Variants in RBFOX2 observed in about 807,000 individuals in gnomAD.
RBFOX2 encodes RNA binding fox-1 homolog 2.
Under a neutral mutation model 49.1 loss-of-function variants are expected in RBFOX2, and 10 were observed. The ratio of observed to expected loss-of-function variants is 0.20; its 90% CI spans 0.13 to 0.35. RBFOX2 has a LOEUF of 0.35. RBFOX2 is among the 10% of genes least tolerant of loss of function. RBFOX2 has a pLI of 1.00. For synonymous variants in RBFOX2, 183 were observed against 187.4 expected (o/e 0.98, Z 0.19); for missense variants, 323 against 486.9 (o/e 0.66, Z 3.17).
chr22:35,843,460 A>G (rs1381220065), upstream of RBFOX2, among the ~76,000 whole-genome samples: 1 of 88,898 alleles, frequency 1.1e-5, no homozygotes. Flanking sequence ...TGTTTCATCC[A>G]ATCTCCAGAA....
intron 9 of RBFOX2, among the ~76,000 whole-genome samples, chr22:35,757,186 G>A (rs1044620710): frequency 6.2e-5 from 9 of 145,132 alleles, no homozygotes; most frequent in Admixed American, 3.4e-4. Context: ...TTCCTGTTTA[G>A]ATAATGAATT....
chr22:36,017,824 A>G (rs1411353420), intron 1 of RBFOX2, among the ~76,000 whole-genome samples: 1 of 152,186 alleles, frequency 6.6e-6, no homozygotes, highest in Admixed American at 6.5e-5. Context: ...ACGTGCACTC[A>G]ATTAATATCT....
At chr22:35,920,880 A>C (rs1199591290) in intron 1 of RBFOX2, among the ~76,000 whole-genome samples, 1 of 152,224 alleles carries the variant, frequency 6.6e-6, no homozygotes. Context: ...ATGCAAACAG[A>C]GTTACGCTGA....
intron 1 of RBFOX2, among the ~76,000 whole-genome samples, chr22:35,890,562 G>A (rs941016395): frequency 2.6e-5 from 4 of 152,120 alleles, no homozygotes; most frequent in Middle Eastern, 3.2e-3. Context: ...GGATAAGGGG[G>A]ACTACTATAC....
chr22:36,019,600 G>A (rs1008451700), intron 1 of RBFOX2, among the ~76,000 whole-genome samples: 8 of 152,202 alleles, frequency 5.3e-5, no homozygotes, highest in Admixed American at 2.0e-4. Flanking sequence ...GGAGCTCAGA[G>A]ATGTTGAATA....
intron 2 of RBFOX2, among the ~76,000 whole-genome samples, chr22:35,784,055 G>C (rs545979817): frequency 2.0e-5 from 3 of 152,328 alleles, no homozygotes; most frequent in Admixed American, 2.0e-4. Flanking sequence ...AGCGGGCAGG[G>C]ACGGGCACTG....
At chr22:35,768,115 G>A in intron 5 of RBFOX2, 142 bp downstream of exon 6, 1 of 828,006 alleles carries the variant, frequency 1.2e-6, no homozygotes, top group South Asian at 1.9e-5. Flanking sequence ...AGTGCAAGAA[G>A]GTGAAGAAGA....
At chr22:35,897,451 T>C in intron 1 of RBFOX2, 1 of 845,952 alleles carries the variant, frequency 1.2e-6, no homozygotes, top group Non-Finnish European at 2.1e-6. Flanking sequence ...ACTTTATCCC[T>C]TGTTGTCCAG....
chr22:35,906,675 C>T (rs2049159644), intron 1 of RBFOX2, among the ~76,000 whole-genome samples: 1 of 151,976 alleles, frequency 6.6e-6, no homozygotes, highest in Admixed American at 6.6e-5. Context: ...ATTAGCCGGG[C>T]GTGGTGGCAC....
intron 1 of RBFOX2, among the ~76,000 whole-genome samples, chr22:35,928,601 A>C (rs1323886830): frequency 6.6e-6 from 1 of 152,258 alleles, no homozygotes; most frequent in East Asian, 1.9e-4. Context: ...CAAACTTAGC[A>C]AATATGGATG....
chr22:35,814,526 T>G (rs150101145), intron 1 of RBFOX2, among the ~76,000 whole-genome samples: 1 of 146,676 alleles, frequency 6.8e-6, no homozygotes, highest in East Asian at 2.1e-4. Flanking sequence ...CTAGGCAACA[T>G]AGTGGGATCC....
At chr22:35,864,691 T>C (rs140820680) in intron 1 of RBFOX2, among the ~76,000 whole-genome samples, 29 of 152,366 alleles carry the variant, frequency 1.9e-4, no homozygotes, top group African/African-American at 5.3e-4. Context: ...ATCAGTTATA[T>C]TGTGCAAAGT....
chr22:35,851,713 A>G (rs907065660), intron 1 of RBFOX2, among the ~76,000 whole-genome samples: 1 of 151,880 alleles, frequency 6.6e-6, no homozygotes, highest in Admixed American at 6.6e-5. Flanking sequence ...CTGTAATCCC[A>G]GCTACTTGGG....
At chr22:35,882,543 G>A (rs2046041899) in intron 1 of RBFOX2, among the ~76,000 whole-genome samples, 3 of 152,182 alleles carry the variant, frequency 2.0e-5, no homozygotes, top group African/African-American at 7.2e-5. Context: ...TGGAAGAACA[G>A]CTTAACTGTA....
intron 1 of RBFOX2, 50 bp from the exon 3 acceptor site, chr22:35,810,054 G>C (rs375069513): frequency 6.4e-7 from 1 of 1,558,108 alleles, no homozygotes; most frequent in South Asian, 1.1e-5. Context: ...TCCTTGTTAC[G>C]TAACTATTTT....
intron 2 of RBFOX2, among the ~76,000 whole-genome samples, chr22:35,788,559 C>T (rs750166897): frequency 1.3e-5 from 2 of 152,076 alleles, no homozygotes; most frequent in African/African-American, 4.8e-5. Flanking sequence ...GATAGTTTGG[C>T]TGGTCACAGA....
At chr22:35,832,302 G>A (rs1956951952) in intron 1 of RBFOX2, among the ~76,000 whole-genome samples, 1 of 149,638 alleles carries the variant, frequency 6.7e-6, no homozygotes, top group East Asian at 2.0e-4. Flanking sequence ...GAACCCAGGA[G>A]GCGGAGGTTG....
intron 1 of RBFOX2, among the ~76,000 whole-genome samples, chr22:35,914,124 T>C (rs1266155633): frequency 6.6e-6 from 1 of 152,124 alleles, no homozygotes; most frequent in Non-Finnish European, 1.5e-5. Context: ...GCCAGCCTAG[T>C]GGAATGGAAG....
chr22:35,884,616 G>A (rs1164732723), intron 1 of RBFOX2, among the ~76,000 whole-genome samples: 2 of 152,138 alleles, frequency 1.3e-5, no homozygotes, highest in Non-Finnish European at 2.9e-5. Context: ...GAGAGGGCAA[G>A]CACCCAAGAT....
Sources: gnomAD v4.1 joint callset for allele counts (sites outside exome capture counted in the v4.1 genomes callset) on GRCh38, gnomAD v4.1.1 for gene constraint, MANE v1.5 for transcripts, NCBI Gene and HGNC (gene_info 2026-07-23, HGNC 2026-07-21) for gene names.